SHISA6: variants seen among roughly 807,000 people sequenced by gnomAD.
The protein encoded by SHISA6 is protein shisa-6.
In SHISA6, 22 loss-of-function variants were observed where a neutral mutation model predicts 47.9. The observed-to-expected ratio is 0.46, with a 90% confidence interval of 0.33 to 0.66. SHISA6 has a LOEUF of 0.66. SHISA6 is among the 30% of genes least tolerant of loss of function. The pLI, the probability that SHISA6 is intolerant of heterozygous loss-of-function variation, is 0.02. For synonymous variants in SHISA6, 388 were observed against 337.8 expected (o/e 1.15, Z -1.63); for missense variants, 680 against 764.6 (o/e 0.89, Z 1.30).
intron 3 of SHISA6, among the ~76,000 whole-genome samples, chr17:11,477,384 T>C (rs1916077746): frequency 6.6e-6 from 1 of 152,184 alleles, no homozygotes; most frequent in South Asian, 2.1e-4. Context: ...TTTTACATGA[T>C]TCTATTTTCT....
intron 1 of SHISA6, among the ~76,000 whole-genome samples, chr17:11,256,592 A>C (rs75028241): frequency 0.014 from 2,121 of 152,266 alleles, 26 homozygotes; most frequent in African/African-American, 0.027. Flanking sequence ...TTATGAACTC[A>C]TCTGTCCCCT....
At chr17:11,332,813 G>A (rs976356138) in intron 2 of SHISA6, among the ~76,000 whole-genome samples, 35 of 152,114 alleles carry the variant, frequency 2.3e-4, no homozygotes, top group Admixed American at 1.9e-3. Flanking sequence ...TAAATTAGTG[G>A]GGGGTTTTGA....
intron 3 of SHISA6, among the ~76,000 whole-genome samples, chr17:11,550,302 G>A (rs2071920025): frequency 6.6e-6 from 1 of 152,066 alleles, no homozygotes; most frequent in African/African-American, 2.4e-5. Flanking sequence ...TGATCCATCT[G>A]CCTTGGCCTC....
chr17:11,549,043 C>T (rs2071907200), intron 3 of SHISA6, among the ~76,000 whole-genome samples: 4 of 152,168 alleles, frequency 2.6e-5, no homozygotes, highest in Admixed American at 2.6e-4. Context: ...AGCCAATTGT[C>T]TCACACAATT....
At chr17:11,330,171 G>T (rs1911045487) in intron 2 of SHISA6, among the ~76,000 whole-genome samples, 1 of 152,030 alleles carries the variant, frequency 6.6e-6, no homozygotes, top group African/African-American at 2.4e-5. Flanking sequence ...GTCTTGGATT[G>T]GCTCGTATCT....
At chr17:11,508,012 G>A (rs3095686) in intron 3 of SHISA6, among the ~76,000 whole-genome samples, 109,238 of 152,090 alleles carry the variant, frequency 0.72, 39,870 homozygotes, top group East Asian at 0.94. Flanking sequence ...ACATTTCCAC[G>A]ATGAGGAAAC....
chr17:11,507,549 C>T (rs2071509648), intron 3 of SHISA6, among the ~76,000 whole-genome samples: 1 of 152,188 alleles, frequency 6.6e-6, no homozygotes, highest in South Asian at 2.1e-4. Context: ...TACTTTGCCA[C>T]CCTGCATTAA....
At chr17:11,480,328 T>G (rs2142329752) in intron 3 of SHISA6, among the ~76,000 whole-genome samples, 1 of 152,330 alleles carries the variant, frequency 6.6e-6, no homozygotes, top group East Asian at 1.9e-4. Flanking sequence ...ATACCTGTTA[T>G]TAATTTGGGG....
chr17:11,444,112 A>G (rs1915167615), intron 3 of SHISA6, among the ~76,000 whole-genome samples: 1 of 152,188 alleles, frequency 6.6e-6, no homozygotes, highest in Non-Finnish European at 1.5e-5. Flanking sequence ...TGAGGTCAGG[A>G]GTTGGAGACC....
intron 3 of SHISA6, among the ~76,000 whole-genome samples, chr17:11,479,728 C>T (rs745410178): frequency 2.0e-5 from 3 of 151,732 alleles, no homozygotes; most frequent in Non-Finnish European, 4.4e-5. Flanking sequence ...TATGGCTAAG[C>T]ATATACAAGC....
chr17:11,555,900 G>T lies in SHISA6; in HGVS notation c.1105+8G>T. On this transcript the variant is annotated splice_region_variant and intron_variant, in intron 5 of 5. Transcript: ENST00000441885. ...CATCTCTGAAGAGGCTAAGTAAGTT[G>T]AATTTCCCCCAAGTTGGGGTCTGTC... The T allele has an allele frequency of 6.6e-7, 1 of 1,513,712 alleles. No homozygotes were observed. Among genetic ancestry groups the T allele is most frequent in the South Asian group, 1.3e-5 (1 of 78,746 alleles). 93.8% of individuals were successfully genotyped at this position (1,513,712 alleles called of 1,614,324 possible). A position where few individuals can be genotyped will look rare whatever the true frequency, so the allele number is the denominator to read the frequency against.
intron 2 of SHISA6, among the ~76,000 whole-genome samples, chr17:11,323,672 TAA>T (rs1910783186): frequency 1.1e-5 from 1 of 90,766 alleles, no homozygotes; most frequent in African/African-American, 5.1e-5. Flanking sequence ...ATAAATAAAA[TAA>T]TAATAATAAT....
intron 2 of SHISA6, among the ~76,000 whole-genome samples, chr17:11,370,611 C>A (rs1214124881): frequency 1.3e-5 from 2 of 152,148 alleles, no homozygotes; most frequent in African/African-American, 4.8e-5. Flanking sequence ...TAGTCCCCAC[C>A]CCATCTTGCC....
chr17:11,492,584 A>G (rs934989963), intron 3 of SHISA6, among the ~76,000 whole-genome samples: 8 of 152,212 alleles, frequency 5.3e-5, no homozygotes, highest in African/African-American at 1.9e-4. Context: ...TAAATGCATG[A>G]AAGTGTCTTA....
At chr17:11,407,237 G>T (rs1913991864) in intron 3 of SHISA6, among the ~76,000 whole-genome samples, 1 of 151,860 alleles carries the variant, frequency 6.6e-6, no homozygotes, top group Non-Finnish European at 1.5e-5. Flanking sequence ...AAGGTACAAA[G>T]AGGTTAGGTA....
rs1248608288 is a variant in SHISA6, at chr17:11,558,507, C to A, written c.*203C>A. On this transcript the variant is annotated 3_prime_UTR_variant, in exon 6 of 6. Coordinates refer to ENST00000441885, the MANE Select transcript of SHISA6 (RefSeq NM_207386.4). ...GGTCCAATACACTTAGACCCAGGAC[C>A]AAGAGCAATCGCTCTTGCTCCTCCA... The A allele has an allele frequency of 3.3e-6, 2 of 609,554 alleles. No individual in the cohort carries two copies. Among genetic ancestry groups the A allele is most frequent in the East Asian group, 5.6e-5 (2 of 36,020 alleles). 37.8% of individuals were successfully genotyped at this position (609,554 alleles called of 1,614,324 possible).
intron 3 of SHISA6, among the ~76,000 whole-genome samples, chr17:11,465,452 G>C (rs1304953694): frequency 6.6e-6 from 1 of 152,038 alleles, no homozygotes; most frequent in African/African-American, 2.4e-5. Context: ...TGCTGGTCTG[G>C]AGTGCAGTGG....
chr17:11,425,332 G>C (rs1381636677), intron 3 of SHISA6, among the ~76,000 whole-genome samples: 1 of 151,852 alleles, frequency 6.6e-6, no homozygotes, highest in African/African-American at 2.4e-5. Flanking sequence ...GAACTGGATG[G>C]CCAATCTAGA....
Position 11,241,406 on chromosome 17 carries a change from T to TCCCGCCCGGC in SHISA6, c.-10_-1dup. 6 of 1,074,444 alleles carry TCCCGCCCGGC rather than the reference T, an allele frequency of 5.6e-6. No homozygotes were observed. Among genetic ancestry groups the TCCCGCCCGGC allele is most frequent in the Non-Finnish European group, 6.9e-6 (6 of 874,786 alleles). 66.6% of individuals were successfully genotyped at this position (1,074,444 alleles called of 1,614,324 possible). A position where few individuals can be genotyped will look rare whatever the true frequency, so the allele number is the denominator to read the frequency against. On this transcript the variant is annotated 5_prime_UTR_variant, in exon 1 of 6. Transcript: ENST00000441885. This position sits in a 1 kb window ranked among gnomAD's most constrained non-coding sequence, Gnocchi z 5.5. ...CTGCCGCGGAAGCCTCCCCGCGCCC[T>TCCCGCCCGGC]CCCGCCCGGCCCCGCCATGGCGCTG...
Sources: allele counts gnomAD v4.1 joint callset (sites outside exome capture counted in the v4.1 genomes callset), GRCh38; gene constraint gnomAD v4.1.1; non-coding constraint Gnocchi (gnomAD v3.1); transcripts MANE v1.5; gene names NCBI Gene and HGNC (gene_info 2026-07-23, HGNC 2026-07-21).